The following CCL26 variants were observed in gnomAD, a reference collection of about 807,000 sequenced individuals.
The protein encoded by CCL26 is C-C motif chemokine ligand 26, also known as C-C motif chemokine 26.
A neutral mutation model predicts 10.7 loss-of-function variants in CCL26; 10 were observed. The observed-to-expected ratio is 0.93, with a 90% CI of 0.57 to 1.58. The LOEUF (loss-of-function observed/expected upper bound fraction) is 1.58. Among genes scored for constraint, CCL26 ranks in the 40% most tolerant of loss-of-function variants. The pLI is 0.00. For synonymous variants in CCL26, 43 were observed against 41.4 expected, an observed-to-expected ratio of 1.04 and a Z score of -0.15; for missense variants, 116 against 111.0, an observed-to-expected ratio of 1.05 and a Z score of -0.20.
intron 1 of CCL26, among the ~76,000 whole-genome samples, chr7:75,788,983 C>CACAA (rs1803262816): frequency 6.6e-6 from 1 of 151,960 alleles, no homozygotes; most frequent in African/African-American, 2.4e-5. Flanking sequence ...TGCAGTGATG[C>CACAA]TGTCATAGCT....
At chr7:75,790,405 A>T (rs1326622013), upstream of CCL26, among the ~76,000 whole-genome samples, 1 of 140,674 alleles carries the variant, frequency 7.1e-6, no homozygotes, top group African/African-American at 2.6e-5. Context: ...ATGCACCACC[A>T]TGTTCTGCTA....
At chr7:75,779,328 A>C (rs1455979538) in intron 1 of CCL26, among the ~76,000 whole-genome samples, 1 of 152,138 alleles carries the variant, frequency 6.6e-6, no homozygotes, top group Non-Finnish European at 1.5e-5. Context: ...TGTGACTCGG[A>C]TCGGGGGACC....
At chr7:75,778,450 G>T (rs1802988334) in intron 1 of CCL26, among the ~76,000 whole-genome samples, 1 of 138,764 alleles carries the variant, frequency 7.2e-6, no homozygotes, top group African/African-American at 2.7e-5. Flanking sequence ...TTGCCATGTT[G>T]CCCAGGCTTC....
At chr7:75,775,496 C>T (rs561661015), upstream of CCL26, among the ~76,000 whole-genome samples, 6 of 152,208 alleles carry the variant, frequency 3.9e-5, no homozygotes, top group African/African-American at 9.6e-5. Context: ...GAGGCAGCAA[C>T]GCAAGGGGAG....
At chr7:75,781,364 A>G (rs1267084050) in intron 1 of CCL26, among the ~76,000 whole-genome samples, 2 of 152,170 alleles carry the variant, frequency 1.3e-5, no homozygotes, top group Non-Finnish European at 2.9e-5. Context: ...AGAACTTCCA[A>G]ACTCCTGAAC....
chr7:75,790,772 C>T (rs532205630), upstream of CCL26, among the ~76,000 whole-genome samples: 59 of 151,942 alleles, frequency 3.9e-4, no homozygotes, highest in African/African-American at 1.4e-3. Context: ...GGTGAAATCC[C>T]GTCTCTATTA....
Position 75,769,753 on chromosome 7 carries a change from A to G in CCL26, c.225T>C (p.His75=), listed in dbSNP as rs782642906. Residue 75 remains histidine (H), a synonymous_variant, in exon 3 of 3, where the codon CAT becomes CAC. Coordinates refer to ENST00000005180, the MANE Select transcript of CCL26 (RefSeq NM_001371938.1). ...ATTTTTGCACCCATTTTTTCCTTGG[A>G]TGGGTACAGACTTTCTTGCCTCTTT... The part of the protein sequence containing the change: ...TTKRGKKVCT[H]PRKKWVQKYI... 17 of 1,612,082 alleles carry G rather than the reference A, an allele frequency of 1.1e-5. No homozygotes were observed. The Admixed American group carries it at 2.5e-4, about 24-fold the overall frequency.
chr7:75,780,912 A>G (rs1016953580), intron 1 of CCL26, among the ~76,000 whole-genome samples: 13 of 152,084 alleles, frequency 8.5e-5, no homozygotes, highest in Non-Finnish European at 1.5e-4. Context: ...TCGTTCCATG[A>G]CTAGCCCTCC....
At chr7:75,778,848 T>TGGG (rs1554529061) in intron 1 of CCL26, among the ~76,000 whole-genome samples, 44 of 149,258 alleles carry the variant, frequency 2.9e-4, no homozygotes, top group African/African-American at 1.1e-3. Flanking sequence ...GAGGCCAAGG[T>TGGG]GGGGGGGGCA....
At chr7:75,787,601 C>T (rs1480920516) in intron 1 of CCL26, among the ~76,000 whole-genome samples, 1 of 141,356 alleles carries the variant, frequency 7.1e-6, no homozygotes, top group Non-Finnish European at 1.5e-5. Context: ...GCCGGGATCA[C>T]ACCACTGCAC....
intron 2 of CCL26, among the ~76,000 whole-genome samples, chr7:75,770,870 T>C (rs182839528): frequency 2.6e-5 from 4 of 152,292 alleles, no homozygotes; most frequent in Admixed American, 2.6e-4. Flanking sequence ...AACAGCTTTG[T>C]TGGGATATAA....
chr7:75,770,673 G>A (rs951080200), intron 2 of CCL26, among the ~76,000 whole-genome samples: 14 of 151,356 alleles, frequency 9.2e-5, no homozygotes, highest in African/African-American at 2.7e-4. Flanking sequence ...GAGCCACCAC[G>A]CCCGGCCTAT....
intron 1 of CCL26, among the ~76,000 whole-genome samples, chr7:75,780,925 C>A (rs535338111): frequency 6.6e-6 from 1 of 152,198 alleles, no homozygotes; most frequent in African/African-American, 2.4e-5. Context: ...AGCCCTCCCC[C>A]ACCTGCCCAG....
At chr7:75,773,578 T>TTGTG (rs140549877), upstream of CCL26, among the ~76,000 whole-genome samples, 1 of 151,546 alleles carries the variant, frequency 6.6e-6, no homozygotes, top group Non-Finnish European at 1.5e-5. Flanking sequence ...TATTATTATT[T>TTGTG]TGTGTGTGTG....
At chr7:75,778,898 T>G (rs1442327047) in intron 1 of CCL26, among the ~76,000 whole-genome samples, 1 of 151,946 alleles carries the variant, frequency 6.6e-6, no homozygotes, top group Non-Finnish European at 1.5e-5. Flanking sequence ...CTGACCAACA[T>G]GGTGAAACCC....
intron 1 of CCL26, among the ~76,000 whole-genome samples, chr7:75,778,976 T>C (rs1269004367): frequency 1.3e-5 from 2 of 152,136 alleles, no homozygotes; most frequent in Non-Finnish European, 2.9e-5. Context: ...TACATCCAGA[T>C]GGCCTGAAGT....
rs1802778946 is a variant in CCL26, at chr7:75,769,643, G to A, written c.*50C>T. The stretch of plus-strand genomic sequence containing the variant: ...GATTCCGCAGGCTCCCCAGAGGGCT[G>A]CAGAGCCAAGAGCGGGGTCCAAGCG... On this transcript the variant is annotated 3_prime_UTR_variant, in exon 3 of 3. Coordinates refer to ENST00000005180, the MANE Select transcript of CCL26 (RefSeq NM_001371938.1). The A allele has an allele frequency of 2.4e-6, 3 of 1,249,338 alleles. No individual in the cohort carries two copies. The highest frequency in any genetic ancestry group is 1.2e-5 in the South Asian group (1 of 83,170). 77.4% of individuals were successfully genotyped at this position (1,249,338 alleles called of 1,614,324 possible). A position where few individuals can be genotyped will look rare whatever the true frequency, so the allele number is the denominator to read the frequency against.
chr7:75,772,332 T>C (rs1802842616), upstream of CCL26: 2 of 619,284 alleles, frequency 3.2e-6, no homozygotes, highest in Admixed American at 2.9e-5. Flanking sequence ...AGTAAACTAA[T>C]ACTCATAGGA....
chr7:75,791,556 A>G (rs1297936407), upstream of CCL26, among the ~76,000 whole-genome samples: 1 of 151,758 alleles, frequency 6.6e-6, no homozygotes, highest in Non-Finnish European at 1.5e-5. Context: ...CTAGGCTGCC[A>G]TCTGGGCTTC....
Sources: gnomAD v4.1 joint callset for allele counts (sites outside exome capture counted in the v4.1 genomes callset) on GRCh38, gnomAD v4.1.1 for gene constraint, MANE v1.5 for transcripts, NCBI Gene and HGNC (gene_info 2026-07-23, HGNC 2026-07-21) for gene names.